Variants in APBB2 observed in about 807,000 individuals in gnomAD.
APBB2 encodes amyloid beta precursor protein binding family B member 2.
Under a neutral mutation model 82.5 loss-of-function variants are expected in APBB2, and 38 were observed. The observed-to-expected ratio is 0.46, with a 90% confidence interval of 0.36 to 0.60. The LOEUF (loss-of-function observed/expected upper bound fraction) is 0.60. APBB2 is among the 20% of genes least tolerant of loss of function. The pLI is 0.00. For missense variants in APBB2, 772 were observed against 972.3 expected, an observed-to-expected ratio of 0.79 and a Z score of 2.74; for synonymous variants, 341 against 368.2, an observed-to-expected ratio of 0.93 and a Z score of 0.85.
At chr4:41,005,699 A>G (rs1287140998) in intron 6 of APBB2, among the ~76,000 whole-genome samples, 2 of 152,232 alleles carry the variant, frequency 1.3e-5, no homozygotes, top group Non-Finnish European at 1.5e-5. Context: ...TTGCCAAACT[A>G]AGAACTAAAA....
chr4:40,834,725 AG>A, intron 12 of APBB2, among the ~76,000 whole-genome samples: 1 of 152,210 alleles, frequency 6.6e-6, no homozygotes, highest in Non-Finnish European at 1.5e-5. Context: ...AACAGGAGGC[AG>A]GGGCCAAGGA....
At chr4:40,991,197 TG>T (rs1370377721) in intron 6 of APBB2, among the ~76,000 whole-genome samples, 14,824 of 88,886 alleles carry the variant, frequency 0.17, 963 homozygotes, top group Non-Finnish European at 0.23. Flanking sequence ...TTTTTTTTTT[TG>T]TAGAAATGAG....
intron 4 of APBB2, among the ~76,000 whole-genome samples, chr4:41,059,503 A>G (rs1729004817): frequency 6.6e-6 from 1 of 152,264 alleles, no homozygotes; most frequent in Admixed American, 6.5e-5. Flanking sequence ...CCAAGCTGGA[A>G]GGTTGTGGGT....
chr4:41,139,704 CTG>C (rs2154019027), intron 2 of APBB2, among the ~76,000 whole-genome samples: 3 of 152,222 alleles, frequency 2.0e-5, no homozygotes, highest in East Asian at 1.9e-4. Context: ...CTATATGACA[CTG>C]TGGAAAAAGT....
Position 40,935,096 on chromosome 4 carries a change from A to C in APBB2, c.1088T>G (p.Ile363Ser). 1 of 1,535,908 alleles carries C rather than the reference A, an allele frequency of 6.5e-7. No individual in the cohort carries two copies. Among genetic ancestry groups the C allele is most frequent in the Non-Finnish European group, 8.7e-7 (1 of 1,145,840 alleles). The change falls in exon 8 of 18, where the codon ATT becomes AGT. Residue 363 changes from isoleucine to serine, a missense_variant. Physicochemically the swap from Ile to Ser is moderately radical, Grantham distance 142. Coordinates refer to ENST00000508593, the MANE Select transcript of APBB2 (RefSeq NM_004307.2). Reference sequence around the variant, plus strand: ...ACTTGCCTTCCAAATGTCACTATTAATCTTTCCCCCATTCAGAACAGCAAA... The same window carrying C: ...ACTTGCCTTCCAAATGTCACTATTACTCTTTCCCCCATTCAGAACAGCAAA... ...SDFAVLNGGKINSDIWKDLHA... is the reference protein window; with the variant it reads ...SDFAVLNGGKSNSDIWKDLHA...
At chr4:41,119,780 A>G (rs1752252169) in intron 2 of APBB2, among the ~76,000 whole-genome samples, 1 of 152,202 alleles carries the variant, frequency 6.6e-6, no homozygotes, top group Admixed American at 6.5e-5. Context: ...AAAGTCTACC[A>G]CATATAAAAA....
At chr4:40,901,804 C>G (rs1018361671) in intron 10 of APBB2, among the ~76,000 whole-genome samples, 1 of 152,098 alleles carries the variant, frequency 6.6e-6, no homozygotes, top group Admixed American at 6.5e-5. Flanking sequence ...CGTGAGCCAC[C>G]GCGCTCGGCC....
In APBB2 at chr4:40,811,433, A is replaced by G. The variant is rs1481175353; in HGVS notation, c.*4659T>C. 3 of 152,010 alleles carry G rather than the reference A, an allele frequency of 2.0e-5. No homozygotes were observed. The highest frequency in any genetic ancestry group is 2.9e-5 in the Non-Finnish European group (2 of 68,032). 9.4% of individuals were successfully genotyped at this position (152,010 alleles called of 1,614,324 possible). ...GCCAGGCGTGGCGGTGCATGCCTGTAATCCCAGCTACTCAGGAGGCTGAGG... is the reference window on the plus strand; with the variant it reads ...GCCAGGCGTGGCGGTGCATGCCTGTGATCCCAGCTACTCAGGAGGCTGAGG... On this transcript the variant is annotated 3_prime_UTR_variant, in exon 18 of 18. Transcript: ENST00000508593.
rs1560527922 is a variant in APBB2 at position 41,014,295 on chromosome 4, G to A, written c.123C>T (p.Leu41=). ...TCAACAGTTCATTGTGGGAGGATCG[G>A]AGGTTAAGGGTGTTTGGTGGTGTGG... is the stretch of plus-strand genomic sequence containing the variant. ...SPATPPNTLN[L]RSSHNELLNA... is the part of the protein sequence containing the mutation. Residue 41 remains leucine, a synonymous_variant, in exon 6 of 18, where the codon CTC becomes CTT. Transcript: ENST00000508593. The A allele has an allele frequency of 6.2e-7, 1 of 1,614,188 alleles. No individual in the cohort carries two copies. Among genetic ancestry groups the A allele is most frequent in the East Asian group, 2.2e-5 (1 of 44,884 alleles).
At chr4:40,863,320 C>T (rs1481102647) in intron 12 of APBB2, among the ~76,000 whole-genome samples, 3 of 152,148 alleles carry the variant, frequency 2.0e-5, no homozygotes, top group Admixed American at 1.3e-4. Context: ...ACAGAGCAGG[C>T]GGGATGTTTT....
At chr4:41,135,573 A>G (rs1757338396) in intron 2 of APBB2, among the ~76,000 whole-genome samples, 1 of 152,226 alleles carries the variant, frequency 6.6e-6, no homozygotes, top group African/African-American at 2.4e-5. Flanking sequence ...CATTTTATGC[A>G]TCACAGATCA....
At chr4:41,022,274 G>A (rs1231571244) in intron 5 of APBB2, among the ~76,000 whole-genome samples, 1 of 152,174 alleles carries the variant, frequency 6.6e-6, no homozygotes, top group Non-Finnish European at 1.5e-5. Context: ...CAGTTCCTCT[G>A]GGATTGGGCC....
intron 5 of APBB2, among the ~76,000 whole-genome samples, chr4:41,015,760 T>A (rs940283287): frequency 2.6e-5 from 4 of 152,076 alleles, no homozygotes; most frequent in African/African-American, 9.7e-5. Context: ...TTTAAAGTTA[T>A]TATTTATCGG....
chr4:41,169,004 G>T (rs1767496336), intron 1 of APBB2, among the ~76,000 whole-genome samples: 1 of 151,998 alleles, frequency 6.6e-6, no homozygotes, highest in African/African-American at 2.4e-5. Flanking sequence ...GGCCAAGGTA[G>T]TGAGACCCCG....
chr4:40,894,237 G>A (rs1186713583), intron 10 of APBB2, among the ~76,000 whole-genome samples: 1 of 149,028 alleles, frequency 6.7e-6, no homozygotes, highest in Non-Finnish European at 1.5e-5. Flanking sequence ...GCAGTGAGCC[G>A]AGATCGCGCC....
chr4:41,130,601 G>A (rs1755691440), intron 2 of APBB2, among the ~76,000 whole-genome samples: 1 of 152,070 alleles, frequency 6.6e-6, no homozygotes, highest in African/African-American at 2.4e-5. Flanking sequence ...GGCCCCAGAG[G>A]GTGGCCCCCT....
chr4:41,161,422 G>T (rs1765139925), intron 1 of APBB2, among the ~76,000 whole-genome samples: 1 of 152,098 alleles, frequency 6.6e-6, no homozygotes, highest in Non-Finnish European at 1.5e-5. Flanking sequence ...GCCTGGGCAA[G>T]ATGGCGAAAC....
Position 41,071,284 on chromosome 4 carries a change from G to T in APBB2, c.-148-5611C>A, listed in dbSNP as rs114346820. Among the ~76,000 whole-genome samples, 645 of 152,226 alleles carry T rather than the reference G, an allele frequency of 4.2e-3. 1 individual carries two copies. The highest frequency in any genetic ancestry group is 0.024 in the Middle Eastern group (7 of 294). Reference sequence around the variant, plus strand: ...GAAAGGTGATGTAAGCTATCTAAAAGGTTGCTTATGCTCTTCCAAAATAAT... The same window carrying T: ...GAAAGGTGATGTAAGCTATCTAAAATGTTGCTTATGCTCTTCCAAAATAAT... On this transcript the variant is annotated intron_variant, in intron 3 of 17. Coordinates refer to ENST00000508593, the MANE Select transcript of APBB2 (RefSeq NM_004307.2).
intron 1 of APBB2, among the ~76,000 whole-genome samples, chr4:41,186,873 T>TCA (rs1310889605): frequency 6.6e-6 from 1 of 152,212 alleles, no homozygotes; most frequent in Non-Finnish European, 1.5e-5. Flanking sequence ...CCAGAGCTGA[T>TCA]ACCTAAACTT....
Sources: gnomAD v4.1 joint callset for allele counts (sites outside exome capture counted in the v4.1 genomes callset) on GRCh38, gnomAD v4.1.1 for gene constraint, MANE v1.5 for transcripts, NCBI Gene and HGNC (gene_info 2026-07-23, HGNC 2026-07-21) for gene names.